The following KCNJ3 variants were observed in gnomAD, a reference collection of about 807,000 sequenced individuals.
KCNJ3 encodes G protein-activated inward rectifier potassium channel 1.
Under a neutral mutation model 39.2 loss-of-function variants are expected in KCNJ3, and 4 were observed. The ratio of observed to expected loss-of-function variants is 0.10; its 90% CI spans 0.05 to 0.23. The LOEUF (loss-of-function observed/expected upper bound fraction) is 0.23. Ranked by LOEUF, KCNJ3 falls within the 10% of genes least tolerant of loss-of-function variation. The pLI is 1.00. For synonymous variants in KCNJ3, 230 were observed against 237.4 expected, an observed-to-expected ratio of 0.97 and a Z score of 0.29; for missense variants, 276 against 634.9, an observed-to-expected ratio of 0.43 and a Z score of 6.08.
chr2:154,770,435 A>ATT lies in KCNJ3; in HGVS notation c.919+60626_919+60627dup, dbSNP rs5835542. 8.3e-4 allele frequency among the ~76,000 whole-genome samples: 122 copies of ATT among 147,638 alleles called. No homozygotes were observed. The East Asian group carries it at 0.013, about 16-fold the overall frequency. On this transcript the variant is annotated intron_variant, in intron 2 of 2. Transcript: ENST00000295101. ...AGCTTGAAGAAATTTGAGAAATGGG[A>ATT]TTTTTTTTTTTGCCGCAATTTCTTC...
intron 2 of KCNJ3, among the ~76,000 whole-genome samples, chr2:154,827,217 T>G (rs1687286025): frequency 6.6e-6 from 1 of 152,206 alleles, no homozygotes; most frequent in Non-Finnish European, 1.5e-5. Flanking sequence ...TTTTTTGATT[T>G]GCTGAGAAAA....
chr2:154,705,632 T>C (rs1648362876), intron 1 of KCNJ3, among the ~76,000 whole-genome samples: 1 of 152,154 alleles, frequency 6.6e-6, no homozygotes, highest in African/African-American at 2.4e-5. Flanking sequence ...CATTTACATA[T>C]AAGGAAAATG....
At position 154,699,247 on chromosome 2, in the gene KCNJ3, G is replaced by A; in HGVS notation, c.472G>A (p.Gly158Ser). Residue 158 changes from glycine to serine, a missense_variant, in exon 1 of 3, where the codon GGC becomes AGC. Gly to Ser is a moderately conservative substitution (Grantham distance 56). This residue lies in a region of KCNJ3 where 46 missense variants were observed against 206.6 expected (regional missense o/e 0.22). Coordinates refer to ENST00000295101, the MANE Select transcript of KCNJ3 (RefSeq NM_002239.4). The surrounding 1 kb of genome is among the most constrained non-coding windows in gnomAD (Gnocchi z 6.4). ...ATACATCACAGACAAGTGCCCCGAG[G>A]GCATCATCCTCTTCCTCTTCCAGTC... ...YRYITDKCPE[G>S]IILFLFQSIL... The A allele has an allele frequency of 6.2e-7, 1 of 1,614,040 alleles. No individual in the cohort carries two copies. Among genetic ancestry groups the A allele is most frequent in the Non-Finnish European group, 8.5e-7 (1 of 1,180,028 alleles).
At chr2:154,796,424 CA>C (rs1440885347) in intron 2 of KCNJ3, among the ~76,000 whole-genome samples, 1 of 152,056 alleles carries the variant, frequency 6.6e-6, no homozygotes, top group Non-Finnish European at 1.5e-5. Flanking sequence ...TCAATGATTT[CA>C]CTGTTATATT....
chr2:154,800,019 T>C (rs1268719156), intron 2 of KCNJ3, among the ~76,000 whole-genome samples: 1 of 152,148 alleles, frequency 6.6e-6, no homozygotes, highest in African/African-American at 2.4e-5. Context: ...AAAGACAAGA[T>C]GACATTTGTA....
At position 154,730,948 on chromosome 2, in the gene KCNJ3, A is replaced by AT. The variant is rs564290602; in HGVS notation, c.919+21135dup. Among the ~76,000 whole-genome samples, 156 of 152,186 alleles carry AT rather than the reference A, an allele frequency of 1.0e-3. 1 individual carries two copies. The South Asian group carries it at 0.03, about 29-fold the overall frequency. On this transcript the variant is annotated intron_variant, in intron 2 of 2. Transcript: ENST00000295101. Reference sequence around the variant, plus strand: ...TCACATTTAAAAAGTAATTTAGCATATTTTTTCTAAAAAGAAGTAAGAATA... The same window carrying AT: ...TCACATTTAAAAAGTAATTTAGCATATTTTTTTCTAAAAAGAAGTAAGAATA...
At chr2:154,712,773 C>G (rs2105153900) in intron 2 of KCNJ3, among the ~76,000 whole-genome samples, 1 of 152,094 alleles carries the variant, frequency 6.6e-6, no homozygotes, top group East Asian at 1.9e-4. Flanking sequence ...GCAGTGAGAC[C>G]CTGTGTCTAA....
At chr2:154,830,044 A>ATAAG in intron 2 of KCNJ3, among the ~76,000 whole-genome samples, 1 of 152,330 alleles carries the variant, frequency 6.6e-6, no homozygotes. Flanking sequence ...AACTCAGAAT[A>ATAAG]TAAGTAAACC....
intron 2 of KCNJ3, among the ~76,000 whole-genome samples, chr2:154,750,327 A>T (rs945475608): frequency 6.6e-6 from 1 of 151,990 alleles, no homozygotes; most frequent in Non-Finnish European, 1.5e-5. Flanking sequence ...TTGTAATAGT[A>T]TTATGCTACT....
chr2:154,844,857 T>A (rs2091379167), intron 2 of KCNJ3, among the ~76,000 whole-genome samples: 1 of 152,156 alleles, frequency 6.6e-6, no homozygotes, highest in African/African-American at 2.4e-5. Context: ...CTGCCATGGC[T>A]TCCCATGGCT....
chr2:154,797,353 G>A (rs1164900535), intron 2 of KCNJ3, among the ~76,000 whole-genome samples: 1 of 152,052 alleles, frequency 6.6e-6, no homozygotes, highest in African/African-American at 2.4e-5. Context: ...TATGATACAT[G>A]CACAAATATA....
chr2:154,811,961 C>G (rs774846808), intron 2 of KCNJ3, among the ~76,000 whole-genome samples: 35 of 152,060 alleles, frequency 2.3e-4, no homozygotes, highest in Non-Finnish European at 4.6e-4. Context: ...CACCAGTTTT[C>G]AATTGTTGGG....
At chr2:154,834,526 G>C (rs1317133877) in intron 2 of KCNJ3, among the ~76,000 whole-genome samples, 1 of 151,968 alleles carries the variant, frequency 6.6e-6, no homozygotes, top group Non-Finnish European at 1.5e-5. Flanking sequence ...GGTAAGGATC[G>C]AGACCATCCT....
chr2:154,776,145 G>A (rs2105199652), intron 2 of KCNJ3, among the ~76,000 whole-genome samples: 1 of 152,016 alleles, frequency 6.6e-6, no homozygotes, highest in South Asian at 2.1e-4. Context: ...GGGACTACAG[G>A]CACACACCCC....
rs192599918 is a variant in KCNJ3 at position 154,772,311 on chromosome 2, C to A, written c.919+62492C>A. Among the ~76,000 whole-genome samples the A allele has an allele frequency of 4.6e-5, 7 of 152,260 alleles. No homozygotes were observed. The South Asian group carries it at 1.5e-3, about 32-fold the overall frequency. ...GATCGGTCTAATTTTCCTGTTCCCACTCCTTACGTATGGGATAGCACATTA... is the reference window on the plus strand; with the variant it reads ...GATCGGTCTAATTTTCCTGTTCCCAATCCTTACGTATGGGATAGCACATTA... On this transcript the variant is annotated intron_variant, in intron 2 of 2. Transcript: ENST00000295101.
At chr2:154,848,135 ATAATAT>A (rs1687692099) in intron 2 of KCNJ3, among the ~76,000 whole-genome samples, 1 of 152,150 alleles carries the variant, frequency 6.6e-6, no homozygotes, top group South Asian at 2.1e-4. Context: ...ATTTGTACAA[ATAATAT>A]TAATTTTTAA....
At chr2:154,801,936 T>A (rs970894359) in intron 2 of KCNJ3, among the ~76,000 whole-genome samples, 1 of 152,154 alleles carries the variant, frequency 6.6e-6, no homozygotes, top group African/African-American at 2.4e-5. Flanking sequence ...CTTCCTACTT[T>A]CTTATTACAA....
intron 2 of KCNJ3, among the ~76,000 whole-genome samples, chr2:154,805,921 A>G (rs777909758): frequency 6.6e-6 from 1 of 152,204 alleles, no homozygotes; most frequent in Non-Finnish European, 1.5e-5. Context: ...AATGTTCTAC[A>G]TGAACATATA....
chr2:154,820,858 T>G (rs185709621), intron 2 of KCNJ3, among the ~76,000 whole-genome samples: 1 of 152,326 alleles, frequency 6.6e-6, no homozygotes, highest in Admixed American at 6.5e-5. Context: ...CTAAAGTGAT[T>G]TAGTTACCCT....
Sources: allele counts gnomAD v4.1 joint callset (sites outside exome capture counted in the v4.1 genomes callset), GRCh38; gene constraint gnomAD v4.1.1; regional missense constraint gnomAD v4.1.1; non-coding constraint Gnocchi (gnomAD v3.1); transcripts MANE v1.5; gene names NCBI Gene and HGNC (gene_info 2026-07-23, HGNC 2026-07-21).